Variants in SCHIP1 observed in about 807,000 individuals in gnomAD.
SCHIP1 encodes the protein schwannomin-interacting protein 1.
Under a neutral mutation model 29.7 loss-of-function variants are expected in SCHIP1, and 8 were observed. That is an observed-to-expected ratio of 0.27 (90% CI 0.16 to 0.49). SCHIP1 has a LOEUF of 0.49. Among genes scored for constraint, SCHIP1 ranks in the 20% least tolerant of loss-of-function variants. SCHIP1 has a pLI of 0.99. For synonymous variants in SCHIP1, 76 were observed against 94.9 expected (o/e 0.80, Z 1.16); for missense variants, 193 against 294.6 (o/e 0.66, Z 2.52).
At chr3:159,346,352 C>G in the SCHIP1 span, among the ~76,000 whole-genome samples, 1 of 150,118 alleles carries the variant, frequency 6.7e-6, no homozygotes, top group Non-Finnish European at 1.5e-5. Context: ...GCCGAAACTG[C>G]TCCCAGTAGC....
chr3:159,468,777 ATT>A, the SCHIP1 span, among the ~76,000 whole-genome samples: 2 of 127,336 alleles, frequency 1.6e-5, no homozygotes, highest in South Asian at 2.5e-4. Context: ...ATATATATAT[ATT>A]TTTTTTAGAT....
chr3:159,533,430 G>A, the SCHIP1 span, among the ~76,000 whole-genome samples: 13,526 of 152,192 alleles, frequency 0.089, 774 homozygotes, highest in South Asian at 0.13. Flanking sequence ...TTCCTAGAAG[G>A]TGTTGCCTCT....
intron 2 of SCHIP1, among the ~76,000 whole-genome samples, chr3:159,867,478 G>A (rs1714740672): frequency 6.6e-6 from 1 of 152,154 alleles, no homozygotes; most frequent in Admixed American, 6.5e-5. Flanking sequence ...GCAGACACAT[G>A]CTCACATATA....
the SCHIP1 span, among the ~76,000 whole-genome samples, chr3:159,620,439 T>G: frequency 1.3e-5 from 2 of 152,222 alleles, no homozygotes; most frequent in East Asian, 1.9e-4. Context: ...CTGGAAGCTA[T>G]GACATGCATA....
At chr3:159,755,169 A>G in the SCHIP1 span, among the ~76,000 whole-genome samples, 1 of 152,170 alleles carries the variant, frequency 6.6e-6, no homozygotes. Flanking sequence ...TGGGAGGCGG[A>G]GCTTGCAGTG....
At chr3:159,508,002 C>G in the SCHIP1 span, among the ~76,000 whole-genome samples, 1 of 152,254 alleles carries the variant, frequency 6.6e-6, no homozygotes, top group East Asian at 1.9e-4. Flanking sequence ...AGGGAGGACT[C>G]CCTCTTTTTC....
the SCHIP1 span, among the ~76,000 whole-genome samples, chr3:159,483,718 T>C: frequency 6.6e-6 from 1 of 152,222 alleles, no homozygotes; most frequent in African/African-American, 2.4e-5. Context: ...ATTTGTTTTC[T>C]GTATCAATAA....
chr3:159,609,536 C>T, the SCHIP1 span, among the ~76,000 whole-genome samples: 1 of 152,064 alleles, frequency 6.6e-6, no homozygotes, highest in Non-Finnish European at 1.5e-5. Flanking sequence ...GCCTTCCTGG[C>T]AGCTTGATGT....
the SCHIP1 span, among the ~76,000 whole-genome samples, chr3:159,598,238 A>T: frequency 0.2 from 31,144 of 152,062 alleles, 8,687 homozygotes; most frequent in African/African-American, 0.63. Context: ...CAGAAATCAA[A>T]CATGCCTTCC....
At chr3:159,826,256 G>A in the SCHIP1 span, among the ~76,000 whole-genome samples, 437 of 152,238 alleles carry the variant, frequency 2.9e-3, 1 homozygote, top group African/African-American at 0.01. Context: ...CAAAATGATC[G>A]AATCAGGGGC....
At chr3:159,292,919 A>G in the SCHIP1 span, among the ~76,000 whole-genome samples, 1 of 151,968 alleles carries the variant, frequency 6.6e-6, no homozygotes, top group Non-Finnish European at 1.5e-5. Flanking sequence ...GGCTGGGCAG[A>G]TTTTTCTCAT....
the SCHIP1 span, among the ~76,000 whole-genome samples, chr3:159,317,010 G>A: frequency 6.9e-4 from 105 of 152,232 alleles, 2 homozygotes; most frequent in African/African-American, 2.3e-3. Context: ...GGTTGTGGGC[G>A]TTCTTCCTGG....
the SCHIP1 span, among the ~76,000 whole-genome samples, chr3:159,627,721 T>G: frequency 6.6e-6 from 1 of 152,188 alleles, no homozygotes; most frequent in African/African-American, 2.4e-5. Flanking sequence ...ATAGGCTGAA[T>G]CAAATTATTT....
chr3:159,638,615 G>GAAA, the SCHIP1 span, among the ~76,000 whole-genome samples: 1 of 119,732 alleles, frequency 8.4e-6, no homozygotes, highest in Admixed American at 8.8e-5. Context: ...TATTATAGAG[G>GAAA]AAAAAAAAAA....
the SCHIP1 span, among the ~76,000 whole-genome samples, chr3:159,315,553 A>G: frequency 4.0e-5 from 6 of 151,640 alleles, no homozygotes; most frequent in Non-Finnish European, 7.4e-5. Context: ...AATGATTTTT[A>G]TATATATATT....
chr3:159,765,087 C>T, the SCHIP1 span: 1 of 1,571,588 alleles, frequency 6.4e-7, no homozygotes, highest in Admixed American at 1.9e-5. Flanking sequence ...GGCTGCAGTT[C>T]CGGGAGCAGG....
the SCHIP1 span, among the ~76,000 whole-genome samples, chr3:159,497,607 C>T: frequency 6.6e-6 from 1 of 150,784 alleles, no homozygotes; most frequent in South Asian, 2.1e-4. Flanking sequence ...TGTGTTGTCT[C>T]CTAAAAGAAG....
the SCHIP1 span, among the ~76,000 whole-genome samples, chr3:159,538,996 T>C: frequency 6.6e-6 from 1 of 152,064 alleles, no homozygotes; most frequent in Non-Finnish European, 1.5e-5. Context: ...CATCCATGGA[T>C]GGTTATATAA....
rs1440922016 is a variant in SCHIP1 at position 159,842,997 on chromosome 3, C to CTTTTTTTTTTTTTTTTTTTTTTTTTTTT, written c.30+2786_30+2787insTTTTTTTTTTTTTTTTTTTTTTTTTTTT. On this transcript the variant is annotated intron_variant, in intron 1 of 6. Transcript: ENST00000445224. ...GCTCTCCAGTTCTATCCCAATATTT[C>CTTTTTTTTTTTTTTTTTTTTTTTTTTTT]TTTCTTTTTTTTTTTTTTTTTTTTT... 9.4e-4 allele frequency among the ~76,000 whole-genome samples: 58 copies of CTTTTTTTTTTTTTTTTTTTTTTTTTTTT among 61,748 alleles called. 13 individuals are homozygous for CTTTTTTTTTTTTTTTTTTTTTTTTTTTT. The highest frequency in any genetic ancestry group is 4.5e-3 in the East Asian group (11 of 2,430). 40.5% of individuals were successfully genotyped at this position (61,748 alleles called of 152,430 possible). A position where few individuals can be genotyped will look rare whatever the true frequency, so the allele number is the denominator to read the frequency against.
Sources: gnomAD v4.1 joint callset for allele counts (sites outside exome capture counted in the v4.1 genomes callset) on GRCh38, gnomAD v4.1.1 for gene constraint, MANE v1.5 for transcripts, NCBI Gene and HGNC (gene_info 2026-07-23, HGNC 2026-07-21) for gene names.